The following FMN2 variants were observed in gnomAD, a reference collection of about 807,000 sequenced individuals.
FMN2 encodes the protein formin 2.
Under a neutral mutation model 142.3 loss-of-function variants are expected in FMN2, and 51 were observed. That is an observed-to-expected ratio of 0.36 (90% confidence interval 0.29 to 0.45). The LOEUF is 0.45. Among genes scored for constraint, FMN2 ranks in the 20% least tolerant of loss-of-function variants. The pLI, the probability that FMN2 is intolerant of heterozygous loss-of-function variation, is 1.00. For synonymous variants in FMN2, 882 were observed against 869.8 expected, an observed-to-expected ratio of 1.01 and a Z score of -0.25; for missense variants, 1,936 against 2,122.8, an observed-to-expected ratio of 0.91 and a Z score of 1.73.
rs375113346 is a variant in FMN2 at position 240,439,287 on chromosome 1, G to A, written c.5060+1077G>A. Among the ~76,000 whole-genome samples, 587 of 64,082 alleles carry A rather than the reference G, an allele frequency of 9.2e-3. 4 individuals carry two copies. The highest frequency in any genetic ancestry group is 0.035 in the African/African-American group (513 of 14,792). The allele number at this position is 64,082 out of a possible 152,430, so 42.0% of individuals were successfully genotyped here. A position where few individuals can be genotyped will look rare whatever the true frequency, so the allele number is the denominator to read the frequency against. On this transcript the variant is annotated intron_variant, in intron 16 of 17. Transcript: ENST00000319653. ...GGCTGTCTCAAAAAAAAAAAAGAAA[G>A]AAAGAAAGAAAGAAAGAGTTACATC...
chr1:240,449,552 A>G (rs1402048694), intron 16 of FMN2, among the ~76,000 whole-genome samples: 1 of 152,218 alleles, frequency 6.6e-6, no homozygotes, highest in Non-Finnish European at 1.5e-5. Flanking sequence ...CTGATGCTGA[A>G]GAACCGGCTA....
intron 14 of FMN2, among the ~76,000 whole-genome samples, chr1:240,359,294 T>C (rs924681976): frequency 6.6e-6 from 1 of 152,232 alleles, no homozygotes; most frequent in African/African-American, 2.4e-5. Context: ...CTTTCATCAA[T>C]AATAGTATTC....
At chr1:240,119,557 A>G (rs1015929907) in intron 1 of FMN2, among the ~76,000 whole-genome samples, 1 of 152,208 alleles carries the variant, frequency 6.6e-6, no homozygotes, top group African/African-American at 2.4e-5. Flanking sequence ...TGCCACCGCC[A>G]TCCAGTAGTA....
chr1:240,199,830 A>T (rs1482947706), intron 4 of FMN2, among the ~76,000 whole-genome samples: 1 of 152,222 alleles, frequency 6.6e-6, no homozygotes, highest in Non-Finnish European at 1.5e-5. Context: ...ATTTATAAGG[A>T]TGCATCCATT....
chr1:240,269,687 C>T (rs2102917615), intron 7 of FMN2, among the ~76,000 whole-genome samples: 1 of 151,990 alleles, frequency 6.6e-6, no homozygotes, highest in South Asian at 2.1e-4. Flanking sequence ...CACAGCATAT[C>T]TTTCCATTTA....
intron 15 of FMN2, among the ~76,000 whole-genome samples, chr1:240,394,976 G>A (rs2105090): frequency 0.54 from 82,319 of 151,846 alleles, 23,718 homozygotes; most frequent in African/African-American, 0.75. Context: ...TCAAAAATAA[G>A]TAAATAAATA....
At chr1:240,153,394 T>G (rs979982608) in intron 2 of FMN2, among the ~76,000 whole-genome samples, 2 of 150,858 alleles carry the variant, frequency 1.3e-5, no homozygotes, top group African/African-American at 4.9e-5. Context: ...AGTTTTTTTT[T>G]TTTTTTTTTT....
intron 2 of FMN2, among the ~76,000 whole-genome samples, chr1:240,167,325 A>C (rs1421403496): frequency 6.9e-6 from 1 of 144,212 alleles, no homozygotes; most frequent in Non-Finnish European, 1.5e-5. Context: ...TTTTGCTCTG[A>C]CACCCAGGCT....
At chr1:240,358,370 A>G (rs575411480) in intron 14 of FMN2, among the ~76,000 whole-genome samples, 1 of 152,340 alleles carries the variant, frequency 6.6e-6, no homozygotes, top group South Asian at 2.1e-4. Context: ...AATATGAAAG[A>G]ATAGAAGTCT....
intron 8 of FMN2, 34 bp downstream of exon 8, chr1:240,294,917 A>G (rs1231801170): frequency 5.8e-6 from 9 of 1,563,922 alleles, no homozygotes; most frequent in Non-Finnish European, 7.9e-6. Context: ...GTGTGAGTAT[A>G]TAATATGTAC....
chr1:240,306,282 T>G (rs1016335860), intron 8 of FMN2, among the ~76,000 whole-genome samples: 2 of 152,118 alleles, frequency 1.3e-5, no homozygotes, highest in African/African-American at 2.4e-5. Context: ...TTAAAATCCA[T>G]TTTAATTTTA....
intron 4 of FMN2, among the ~76,000 whole-genome samples, 180 bp downstream of exon 4, chr1:240,188,442 T>G (rs1273180060): frequency 6.6e-6 from 1 of 152,212 alleles, no homozygotes. Context: ...ATTTTTTGCA[T>G]ACAAAATCAG....
At position 240,131,380 on chromosome 1, in the gene FMN2, T is replaced by C. The variant is rs912349855; in HGVS notation, c.1782+8035T>C. ...AACACCTGGGGCAAGACCTGAGGCATGCGTAGGAGTTTGCTGTGGGGAACA... is the reference window on the plus strand; with the variant it reads ...AACACCTGGGGCAAGACCTGAGGCACGCGTAGGAGTTTGCTGTGGGGAACA... On this transcript the variant is annotated intron_variant, in intron 2 of 17. Coordinates refer to ENST00000319653, the MANE Select transcript of FMN2 (RefSeq NM_020066.5). Among the ~76,000 whole-genome samples, 23 of 152,036 alleles carry C rather than the reference T, an allele frequency of 1.5e-4. 1 individual carries two copies. Among genetic ancestry groups the C allele is most frequent in the African/African-American group, 4.8e-4 (20 of 41,418 alleles).
intron 15 of FMN2, among the ~76,000 whole-genome samples, chr1:240,405,558 C>T (rs145775039): frequency 0.014 from 2,115 of 150,878 alleles, 55 homozygotes; most frequent in African/African-American, 0.05. Context: ...GCGGATGTTG[C>T]GGTAAGCTGA....
At chr1:240,273,305 A>G (rs755410095) in intron 7 of FMN2, among the ~76,000 whole-genome samples, 39 of 152,210 alleles carry the variant, frequency 2.6e-4, no homozygotes, top group Non-Finnish European at 1.9e-4. Context: ...CAACAACTGT[A>G]TGAGGCAGGT....
In FMN2 at chr1:240,219,284, G is replaced by A. The variant is rs530920185; in HGVS notation, c.4065+8049G>A. Among the ~76,000 whole-genome samples, 7 of 152,252 alleles carry A rather than the reference G, an allele frequency of 4.6e-5. No individual in the cohort carries two copies. The East Asian group carries it at 9.7e-4, about 21-fold the overall frequency. On this transcript the variant is annotated intron_variant, in intron 6 of 17. Coordinates refer to ENST00000319653, the MANE Select transcript of FMN2 (RefSeq NM_020066.5). The stretch of plus-strand genomic sequence containing the variant: ...GACCTGAAGCTTATTTTGGTGTCAC[G>A]GTATGAAACAGCAGGATGTATCCTT...
At chr1:240,241,755 G>T (rs1048302483) in intron 6 of FMN2, among the ~76,000 whole-genome samples, 1 of 151,428 alleles carries the variant, frequency 6.6e-6, no homozygotes, top group Non-Finnish European at 1.5e-5. Flanking sequence ...CCATTGATTG[G>T]GTTGGATCAT....
chr1:240,471,392 C>T (rs1572348393), intron 16 of FMN2, among the ~76,000 whole-genome samples: 1 of 147,598 alleles, frequency 6.8e-6, no homozygotes, highest in South Asian at 2.1e-4. Flanking sequence ...GACGGAGTCT[C>T]GCTCTGTCAC....
intron 7 of FMN2, among the ~76,000 whole-genome samples, chr1:240,270,152 T>G (rs1423474953): frequency 6.6e-6 from 1 of 152,098 alleles, no homozygotes; most frequent in Non-Finnish European, 1.5e-5. Flanking sequence ...TTGAGTATCC[T>G]GTTAGCTCTT....
Sources: allele counts gnomAD v4.1 joint callset (sites outside exome capture counted in the v4.1 genomes callset), GRCh38; gene constraint gnomAD v4.1.1; transcripts MANE v1.5; gene names NCBI Gene and HGNC (gene_info 2026-07-23, HGNC 2026-07-21).